PDE11A: variants seen among roughly 807,000 people sequenced by gnomAD.
PDE11A encodes dual 3',5'-cyclic-AMP and -GMP phosphodiesterase 11A.
A neutral mutation model predicts 100.5 loss-of-function variants in PDE11A; 100 were observed. The ratio of observed to expected loss-of-function variants is 1.00; its 90% CI spans 0.85 to 1.18. The LOEUF (loss-of-function observed/expected upper bound fraction) is 1.18, where lower values mean the gene tolerates loss of function less well. PDE11A is among the 50% of genes most tolerant of loss of function. The probability of loss-of-function intolerance (pLI) is 0.00; values close to 1 mark genes in which losing one functional copy is unlikely to be tolerated. For missense variants in PDE11A, 1,141 were observed against 1,152.6 expected (o/e 0.99, Z 0.15); for synonymous variants, 381 against 420.8 (o/e 0.91, Z 1.16).
chr2:178,076,996 G>C (rs112852263), upstream of PDE11A, among the ~76,000 whole-genome samples: 1 of 152,222 alleles, frequency 6.6e-6, no homozygotes, highest in Non-Finnish European at 1.5e-5. Context: ...AGGATAACCT[G>C]CTTCCTTACA....
At chr2:178,079,925 G>T (rs181125423) in intron 2 of PDE11A, among the ~76,000 whole-genome samples, 95 of 152,244 alleles carry the variant, frequency 6.2e-4, no homozygotes, top group Admixed American at 1.8e-3. Context: ...TCATATGTTT[G>T]TTGGGCACAT....
At chr2:177,883,994 C>T (rs2084387708) in intron 4 of PDE11A, among the ~76,000 whole-genome samples, 1 of 152,192 alleles carries the variant, frequency 6.6e-6, no homozygotes, top group Non-Finnish European at 1.5e-5. Context: ...TCTGCTCATA[C>T]CTTCTATTTG....
chr2:177,843,052 AAAGAG>A (rs1190661141), intron 5 of PDE11A, among the ~76,000 whole-genome samples: 2 of 152,174 alleles, frequency 1.3e-5, no homozygotes, highest in African/African-American at 4.8e-5. Context: ...GGGAAGGGAG[AAAGAG>A]AAGAAATTTT....
chr2:177,900,641 C>T (rs1031468516), intron 3 of PDE11A, among the ~76,000 whole-genome samples: 1 of 152,030 alleles, frequency 6.6e-6, no homozygotes, highest in South Asian at 2.1e-4. Context: ...GCCTGTAGTC[C>T]CAGCTACTCA....
intron 6 of PDE11A, among the ~76,000 whole-genome samples, chr2:177,830,396 T>A (rs2083290394): frequency 1.3e-5 from 2 of 151,884 alleles, no homozygotes; most frequent in African/African-American, 4.8e-5. Context: ...GGTCAGGAGT[T>A]CAAGACCAGC....
At chr2:177,796,568 T>C (rs1199269095) in intron 9 of PDE11A, among the ~76,000 whole-genome samples, 2 of 152,112 alleles carry the variant, frequency 1.3e-5, no homozygotes, top group Non-Finnish European at 2.9e-5. Context: ...GTAACTCCAA[T>C]GTCTTCTAAA....
At chr2:177,885,361 G>C (rs892166540) in intron 4 of PDE11A, among the ~76,000 whole-genome samples, 26 of 152,122 alleles carry the variant, frequency 1.7e-4, no homozygotes, top group Admixed American at 9.2e-4. Context: ...ACAGAAGGCT[G>C]ACCTTTCATA....
intron 6 of PDE11A, among the ~76,000 whole-genome samples, chr2:177,837,008 A>G (rs2083412880): frequency 6.6e-6 from 1 of 152,178 alleles, no homozygotes; most frequent in Non-Finnish European, 1.5e-5. Flanking sequence ...AGAACCCACC[A>G]ATTCCAGATA....
At chr2:177,828,221 T>C (rs1349918633) in intron 6 of PDE11A, among the ~76,000 whole-genome samples, 1 of 152,144 alleles carries the variant, frequency 6.6e-6, no homozygotes, top group Non-Finnish European at 1.5e-5. Context: ...TATTAACAAG[T>C]TGGTACAAGT....
intron 1 of PDE11A, among the ~76,000 whole-genome samples, chr2:178,028,031 GA>G (rs2086498967): frequency 6.6e-6 from 1 of 152,110 alleles, no homozygotes; most frequent in African/African-American, 2.4e-5. Flanking sequence ...GCCCAGGTTA[GA>G]AAAAATCAGG....
intron 6 of PDE11A, among the ~76,000 whole-genome samples, chr2:177,821,435 C>G (rs999956772): frequency 2.0e-5 from 3 of 151,482 alleles, no homozygotes; most frequent in Non-Finnish European, 4.4e-5. Flanking sequence ...CCTCCAAACC[C>G]CTAAATTCTT....
At chr2:177,911,354 G>A (rs566957100) in intron 2 of PDE11A, among the ~76,000 whole-genome samples, 27 of 152,220 alleles carry the variant, frequency 1.8e-4, no homozygotes, top group African/African-American at 6.3e-4. Flanking sequence ...AGATTCCAGA[G>A]GAAAGCCCTG....
intron 2 of PDE11A, chr2:177,953,126 A>G (rs2085523807): frequency 6.6e-6 from 1 of 152,176 alleles, no homozygotes; most frequent in South Asian, 2.1e-4. Flanking sequence ...TAGAAATTTT[A>G]TAAGATAGAA....
intron 9 of PDE11A, among the ~76,000 whole-genome samples, chr2:177,779,222 AAATGC>A (rs2082419495): frequency 6.6e-6 from 1 of 152,234 alleles, no homozygotes; most frequent in Admixed American, 6.5e-5. Context: ...TTATTGCTAG[AAATGC>A]TAATGATCAT....
chr2:177,711,176 A>G (rs909552469), intron 13 of PDE11A, among the ~76,000 whole-genome samples: 2 of 152,238 alleles, frequency 1.3e-5, no homozygotes, highest in Admixed American at 1.3e-4. Context: ...TATTCTATCT[A>G]TACACATCAT....
chr2:178,027,936 A>G (rs1397282168), intron 1 of PDE11A, among the ~76,000 whole-genome samples: 3 of 152,230 alleles, frequency 2.0e-5, no homozygotes, highest in African/African-American at 7.2e-5. Flanking sequence ...TAAAAAAAAC[A>G]AACTATTAAA....
At chr2:177,877,170 C>CTT (rs34383497) in intron 4 of PDE11A, among the ~76,000 whole-genome samples, 1 of 138,488 alleles carries the variant, frequency 7.2e-6, no homozygotes, top group African/African-American at 2.8e-5. Flanking sequence ...CAAAGGTTAT[C>CTT]TTTTTTTTTT....
At chr2:177,715,983 A>T (rs1225872191) in intron 12 of PDE11A, among the ~76,000 whole-genome samples, 1 of 152,226 alleles carries the variant, frequency 6.6e-6, no homozygotes, top group African/African-American at 2.4e-5. Context: ...GGAGATGCCC[A>T]AATGTCAACA....
intron 4 of PDE11A, among the ~76,000 whole-genome samples, chr2:177,885,041 G>A (rs1439567839): frequency 6.6e-6 from 1 of 151,794 alleles, no homozygotes; most frequent in Non-Finnish European, 1.5e-5. Flanking sequence ...TGGGGTTAGG[G>A]GTTCAGTAGT....
Sources: allele counts gnomAD v4.1 joint callset (sites outside exome capture counted in the v4.1 genomes callset), GRCh38; gene constraint gnomAD v4.1.1; transcripts MANE v1.5; gene names NCBI Gene and HGNC (gene_info 2026-07-23, HGNC 2026-07-21).